The following NACA variants were observed in gnomAD, a reference collection of about 807,000 sequenced individuals.
NACA encodes nascent polypeptide-associated complex subunit alpha.
Under a neutral mutation model 86.4 loss-of-function variants are expected in NACA, and 42 were observed. The ratio of observed to expected loss-of-function variants is 0.49; its 90% CI spans 0.38 to 0.63. The LOEUF is 0.63. NACA is among the 20% of genes least tolerant of loss of function. The pLI is 0.00. For synonymous variants in NACA, 898 were observed against 973.7 expected (o/e 0.92, Z 1.45); for missense variants, 2,157 against 2,483.6 (o/e 0.87, Z 2.80).
At position 56,718,327 on chromosome 12, in the gene NACA, T is replaced by C; in HGVS notation, c.3203A>G (p.Lys1068Arg). The C allele has an allele frequency of 8.9e-7, 1 of 1,120,962 alleles. No individual in the cohort carries two copies. The highest frequency in any genetic ancestry group is 3.1e-5 in the South Asian group (1 of 32,152). The allele number at this position is 1,120,962 out of a possible 1,614,324, so 69.4% of individuals were successfully genotyped here. Residue 1068 changes from lysine to arginine, a missense_variant, in exon 3 of 9, where the codon AAA (lysine) becomes AGA (arginine). Lys to Arg is a conservative substitution (Grantham distance 26, BLOSUM62 2). Coordinates refer to ENST00000454682, the MANE Select transcript of NACA (RefSeq NM_001365896.1). ...TTPAATLPSP[K>R]GGPATPSLKG... ...GAGGGATGGGGTAGCTGGACCTCCT[T>C]TTGGGGAGGGAAGAGTTGCAGCTGG...
At position 56,716,930 on chromosome 12, in the gene NACA, G is replaced by A; in HGVS notation, c.4600C>T (p.Leu1534Phe). ...RDPIAPTATL[L>F]SKKTPATLAP... Reference sequence around the variant, plus strand: ...AGAGTTGCTGGGGTCTTTTTAGAGAGAAGAGTCGCTGTTGGGGCAATGGGG... The same window carrying A: ...AGAGTTGCTGGGGTCTTTTTAGAGAAAAGAGTCGCTGTTGGGGCAATGGGG... The change falls in exon 3 of 9, where the codon CTC (leucine) becomes TTC (phenylalanine). Residue 1534 changes from leucine to phenylalanine, a missense_variant. By Grantham distance (22) the Leu-to-Phe change is conservative. Coordinates refer to ENST00000454682, the MANE Select transcript of NACA (RefSeq NM_001365896.1). 7.7e-7 allele frequency: 1 copy of A among 1,304,126 alleles called. No homozygotes were observed. The highest frequency in any genetic ancestry group is 9.9e-7 in the Non-Finnish European group (1 of 1,006,776). 80.8% of individuals were successfully genotyped at this position (1,304,126 alleles called of 1,614,324 possible).
In NACA at chr12:56,719,049, A is replaced by G. The variant is rs201610743; in HGVS notation, c.2481T>C (p.Pro827=). The part of the protein sequence containing the change: ...PDTPIGNLSS[P]VSPVEASFLP... Reference sequence around the variant, plus strand: ...GAAATGAAGCTTCAACTGGAGAAACAGGGGATGAGAGATTTCCAATAGGAG... The same window carrying G: ...GAAATGAAGCTTCAACTGGAGAAACGGGGGATGAGAGATTTCCAATAGGAG... Residue 827 remains proline (P), a synonymous_variant, in exon 3 of 9, where the codon CCT becomes CCC. Coordinates refer to ENST00000454682, the MANE Select transcript of NACA (RefSeq NM_001365896.1). 6.9e-7 allele frequency: 1 copy of G among 1,448,622 alleles called. No individual in the cohort carries two copies. Among genetic ancestry groups the G allele is most frequent in the Non-Finnish European group, 9.3e-7 (1 of 1,072,098 alleles). 89.7% of individuals were successfully genotyped at this position (1,448,622 alleles called of 1,614,324 possible).
At chr12:56,722,898 G>C (rs1199230951) in intron 2 of NACA, among the ~76,000 whole-genome samples, 1 of 151,212 alleles carries the variant, frequency 6.6e-6, no homozygotes, top group African/African-American at 2.4e-5. Flanking sequence ...GGGGGGCGGG[G>C]GGGAAGCCCG....
Position 56,716,713 on chromosome 12 carries a change from G to A in NACA, c.4817C>T (p.Thr1606Ile). The change falls in exon 3 of 9, where the codon ACT becomes ATT. Residue 1606 changes from threonine (T) to isoleucine (I), a missense_variant. This residue lies in a region of NACA where 797 missense variants were observed against 777.6 expected (regional missense o/e 1.02). Coordinates refer to ENST00000454682, the MANE Select transcript of NACA (RefSeq NM_001365896.1). ...PKELLIPPAV[T>I]SPSPKEAPTP... ...AGGTGCCTCTTTGGGGGAAGGAGAA[G>A]TCACAGCTGGTGGAATGAGGAGCTC... 1 of 1,407,400 alleles carries A rather than the reference G, an allele frequency of 7.1e-7. No individual in the cohort carries two copies. The highest frequency in any genetic ancestry group is 9.5e-7 in the Non-Finnish European group (1 of 1,055,676). The allele number at this position is 1,407,400 out of a possible 1,614,324, so 87.2% of individuals were successfully genotyped here.
Position 56,717,737 on chromosome 12 carries a change from T to C in NACA, c.3793A>G (p.Thr1265Ala). 4.6e-6 allele frequency: 5 copies of C among 1,095,078 alleles called. No homozygotes were observed. The highest frequency in any genetic ancestry group is 5.6e-6 in the Non-Finnish European group (5 of 894,504). 67.8% of individuals were successfully genotyped at this position (1,095,078 alleles called of 1,614,324 possible). The part of the protein sequence containing the change: ...PATPPPKGAP[T>A]PPAATPPSLK... ...GAGGGAGGAGTTGCAGCTGGGGGAG[T>C]GGGGGCCCCTTTGGGGGGTGGGGTA... The change falls in exon 3 of 9, where the codon ACT (threonine) becomes GCT (alanine). Residue 1265 changes from threonine (T) to alanine (A), a missense_variant. Around this residue, in one of 8 missense-constraint regions of NACA, gnomAD observed 15 missense variants for 21.0 expected, o/e 0.71. Coordinates refer to ENST00000454682, the MANE Select transcript of NACA (RefSeq NM_001365896.1).
In NACA at chr12:56,714,530, T is replaced by C. The variant is rs576949246; in HGVS notation, c.5745+72A>G. 8 of 1,604,074 alleles carry C rather than the reference T, an allele frequency of 5.0e-6. No homozygotes were observed. In the African/African-American group the frequency reaches 8.0e-5, roughly 16 times the overall value. On this transcript the variant is annotated intron_variant, in intron 4 of 8. Transcript: ENST00000454682. ...GGTTTTCCTTTATGAAGGTTCACAG[T>C]TCCAAATACAAAAGTTGCCCTGATC...
intron 1 of NACA, chr12:56,724,769 C>G: frequency 2.0e-6 from 1 of 507,832 alleles, no homozygotes. Flanking sequence ...CGGGCTGGCT[C>G]TCGATCATGG....
rs761803020 is a variant in NACA at position 56,715,942 on chromosome 12, G to C, written c.5588C>G (p.Pro1863Arg). The C allele has an allele frequency of 2.0e-6, 3 of 1,533,664 alleles. No individual in the cohort carries two copies. The highest frequency in any genetic ancestry group is 2.5e-5 in the South Asian group (2 of 78,946). The change falls in exon 3 of 9, where the codon CCC becomes CGC. Residue 1863 changes from proline to arginine, a missense_variant. Coordinates refer to ENST00000454682, the MANE Select transcript of NACA (RefSeq NM_001365896.1). ...VPFQSVLVNMPTPKSAGIPVP... is the reference protein window; with the variant it reads ...VPFQSVLVNMRTPKSAGIPVP... ...AGGGATTCCAGCAGATTTAGGGGTG[G>C]GCATGTTGACGAGGACCGACTGGAA...
In NACA at chr12:56,718,765, C is replaced by T. The variant is rs560184409; in HGVS notation, c.2765G>A (p.Arg922Gln). The part of the protein sequence containing the change: ...SMTSSSPKKA[R>Q]ATPAPKGIPA... ...GATTCCTTTAGGGGCTGGAGTTGCTCGGGCCTTTTTGGGGGAGGAAGAAGT... is the reference window on the plus strand; with the variant it reads ...GATTCCTTTAGGGGCTGGAGTTGCTTGGGCCTTTTTGGGGGAGGAAGAAGT... The change falls in exon 3 of 9, where the codon CGA (arginine) becomes CAA (glutamine). Residue 922 changes from arginine to glutamine, a missense_variant. This residue lies in a region of NACA where 174 missense variants were observed against 217.0 expected (regional missense o/e 0.80). Coordinates refer to ENST00000454682, the MANE Select transcript of NACA (RefSeq NM_001365896.1). The T allele has an allele frequency of 1.7e-5, 24 of 1,442,612 alleles. No individual in the cohort carries two copies. Among genetic ancestry groups the T allele is most frequent in the East Asian group, 3.0e-5 (1 of 33,174 alleles). 89.4% of individuals were successfully genotyped at this position (1,442,612 alleles called of 1,614,324 possible).
rs747646922 is a variant in NACA at position 56,717,365 on chromosome 12, G to A, written c.4165C>T (p.Pro1389Ser). The A allele has an allele frequency of 7.3e-7, 1 of 1,373,558 alleles. No homozygotes were observed. The highest frequency in any genetic ancestry group is 9.6e-7 in the Non-Finnish European group (1 of 1,039,370). 85.1% of individuals were successfully genotyped at this position (1,373,558 alleles called of 1,614,324 possible). Residue 1389 changes from proline (P) to serine (S), a missense_variant, in exon 3 of 9, where the codon CCC (proline) becomes TCC (serine). By Grantham distance (74) the Pro-to-Ser change is moderately conservative (BLOSUM62 -1). Coordinates refer to ENST00000454682, the MANE Select transcript of NACA (RefSeq NM_001365896.1). Reference sequence around the variant, plus strand: ...GATGGGATAGCTGGTCCTCTTTTGGGGGAGGGAGGAGTCATAGCGGGACCT... The same window carrying A: ...GATGGGATAGCTGGTCCTCTTTTGGAGGAGGGAGGAGTCATAGCGGGACCT... ...KGGPAMTPPSPKRGPAIPSPK... is the reference protein window; with the variant it reads ...KGGPAMTPPSSKRGPAIPSPK...
chr12:56,719,511 G>A lies in NACA; in HGVS notation c.2019C>T (p.Ala673=), dbSNP rs1953510202. Residue 673 remains alanine, a synonymous_variant, in exon 3 of 9, where the codon GCC becomes GCT. Coordinates refer to ENST00000454682, the MANE Select transcript of NACA (RefSeq NM_001365896.1). The stretch of plus-strand genomic sequence containing the variant: ...AGACAGTTCCTTCTAGAAAAGGGCT[G>A]GCTGTAGTTGTATAAGTTGAGGTAC... ...AKGTSTYTTT[A]SPFLEGTVSL... 1 of 1,613,816 alleles carries A rather than the reference G, an allele frequency of 6.2e-7. No individual in the cohort carries two copies. Among genetic ancestry groups the A allele is most frequent in the Admixed American group, 1.7e-5 (1 of 60,004 alleles).
In NACA at chr12:56,716,076, C is replaced by A; in HGVS notation, c.5454G>T (p.Pro1818=). ...PTLPPKQQFL[P]SSPGLVLESP... The stretch of plus-strand genomic sequence containing the variant: ...ATTCCAACACCAGCCCAGGAGAGGA[C>A]GGCAGAAATTGCTGTTTAGGAGGCA... The change falls in exon 3 of 9, where the codon CCG becomes CCT. Residue 1818 remains proline, a synonymous_variant. Coordinates refer to ENST00000454682, the MANE Select transcript of NACA (RefSeq NM_001365896.1). 1.2e-6 allele frequency: 2 copies of A among 1,612,644 alleles called. No homozygotes were observed. Among genetic ancestry groups the A allele is most frequent in the Non-Finnish European group, 1.7e-6 (2 of 1,179,204 alleles).
chr12:56,724,615 GGGCTGTT>G, intron 1 of NACA, 92 bp from the exon 2 acceptor site: 1 of 1,374,444 alleles, frequency 7.3e-7, no homozygotes, highest in Non-Finnish European at 1.0e-6. Flanking sequence ...ACTCCGAGGA[GGGCTGTT>G]AGAAAAAAAT....
At position 56,720,614 on chromosome 12, in the gene NACA, C is replaced by T. The variant is rs1953545465; in HGVS notation, c.916G>A (p.Gly306Ser). 1 of 1,613,702 alleles carries T rather than the reference C, an allele frequency of 6.2e-7. No individual in the cohort carries two copies. Among genetic ancestry groups the T allele is most frequent in the African/African-American group, 1.3e-5 (1 of 74,836 alleles). The change falls in exon 3 of 9, where the codon GGC becomes AGC. Residue 306 changes from glycine (G) to serine (S), a missense_variant. By Grantham distance (56) the Gly-to-Ser change is moderately conservative. Around this residue, in one of 8 missense-constraint regions of NACA, gnomAD observed 947 missense variants for 917.9 expected, o/e 1.03. Transcript: ENST00000454682. ...NTPPDFPISL[G>S]SHLAPLHQSS... ...TGATGTAAAGGTGCAAGATGAGAGC[C>T]CAGAGAAATGGGAAAATCTGGGGGG...
chr12:56,722,745 C>G (rs1396537985), intron 2 of NACA, among the ~76,000 whole-genome samples: 1 of 152,032 alleles, frequency 6.6e-6, no homozygotes, highest in Non-Finnish European at 1.5e-5. Flanking sequence ...CACTGGATCC[C>G]CACTCCTTAA....
chr12:56,718,499 GT>G lies in NACA; in HGVS notation c.3030del (p.Pro1012GlnfsTer3), dbSNP rs1953466396. ...PATPSPKGAPTPPAVTPPSPK... is the reference protein window; with the variant it reads ...PATPSPKGAPXPPAVTPPSPK... The stretch of plus-strand genomic sequence containing the variant: ...GGGGAGGGAGGAGTCACAGCTGGGG[GT>G]GTGGGGGCCCCTTTGGGGGATGGAG... On this transcript the variant is annotated frameshift_variant, in exon 3 of 9. Transcript: ENST00000454682. LOFTEE classifies it high-confidence loss of function. 1 of 1,228,864 alleles carries G rather than the reference GT, an allele frequency of 8.1e-7. No individual in the cohort carries two copies. The allele number at this position is 1,228,864 out of a possible 1,614,324, so 76.1% of individuals were successfully genotyped here.
chr12:56,713,477 C>G lies in NACA; in HGVS notation c.5970+60G>C, dbSNP rs1170992512. The stretch of plus-strand genomic sequence containing the variant: ...CAGAGAACTATCTGACGCAAAATGT[C>G]AGCAGTGCTGAGGTTGAGAAACCCT... On this transcript the variant is annotated intron_variant, in intron 6 of 8. Transcript: ENST00000454682. 32 of 1,571,578 alleles carry G rather than the reference C, an allele frequency of 2.0e-5. No individual in the cohort carries two copies. In the East Asian group the frequency reaches 6.9e-4, roughly 34 times the overall value.
At position 56,716,347 on chromosome 12, in the gene NACA, C is replaced by G. The variant is rs1253132080; in HGVS notation, c.5183G>C (p.Gly1728Ala). 1 of 1,612,032 alleles carries G rather than the reference C, an allele frequency of 6.2e-7. No homozygotes were observed. Among genetic ancestry groups the G allele is most frequent in the Non-Finnish European group, 8.5e-7 (1 of 1,179,394 alleles). ...GGCTGGAGCCACTGTGGAAAGGGGT[C>G]CTTTAGAACCATTCTTAGCTGAGGG... Reference protein sequence around the residue: ...PDPSAKNGSKGPLSTVAPAPL... With the variant: ...PDPSAKNGSKAPLSTVAPAPL... Residue 1728 changes from glycine to alanine, a missense_variant, in exon 3 of 9, where the codon GGA becomes GCA. This residue lies in a region of NACA where 797 missense variants were observed against 777.6 expected (regional missense o/e 1.02). Coordinates refer to ENST00000454682, the MANE Select transcript of NACA (RefSeq NM_001365896.1).
Position 56,712,775 on chromosome 12 carries a change from T to G in NACA, c.6222+11A>C. 1 of 1,614,224 alleles carries G rather than the reference T, an allele frequency of 6.2e-7. No homozygotes were observed. The highest frequency in any genetic ancestry group is 1.1e-5 in the South Asian group (1 of 91,090). ...CAGAGGGAGTCAAGGAACAAAGGCTTGAACACTTACCATAATCGCATTTAC... is the reference window on the plus strand; with the variant it reads ...CAGAGGGAGTCAAGGAACAAAGGCTGGAACACTTACCATAATCGCATTTAC... On this transcript the variant is annotated intron_variant, in intron 8 of 8. Coordinates refer to ENST00000454682, the MANE Select transcript of NACA (RefSeq NM_001365896.1).
Sources: allele counts gnomAD v4.1 joint callset (sites outside exome capture counted in the v4.1 genomes callset), GRCh38; gene constraint gnomAD v4.1.1; regional missense constraint gnomAD v4.1.1; transcripts MANE v1.5; gene names NCBI Gene and HGNC (gene_info 2026-07-23, HGNC 2026-07-21).